ZNG1B: variants seen among roughly 807,000 people sequenced by gnomAD.
The protein encoded by ZNG1B is Zn regulated GTPase metalloprotein activator 1B, also known as zinc-regulated GTPase metalloprotein activator 1B.
chr2:113,438,728 A>C, the ZNG1B span, among the ~76,000 whole-genome samples: 2 of 152,066 alleles, frequency 1.3e-5, no homozygotes, highest in African/African-American at 4.8e-5. Context: ...AAGTTTGAGA[A>C]ATATATTTTT....
At chr2:113,466,599 G>A in the ZNG1B span, 2 of 985,384 alleles carry the variant, frequency 2.0e-6, no homozygotes, top group Non-Finnish European at 2.4e-6. Context: ...TGAGAATCTA[G>A]GGACTTTCTG....
the ZNG1B span, chr2:113,455,568 T>G: frequency 1.6e-6 from 2 of 1,286,326 alleles, no homozygotes; most frequent in South Asian, 2.5e-5. Flanking sequence ...GAAATACCAC[T>G]AAAGGCAGAA....
chr2:113,477,036 T>G, the ZNG1B span, among the ~76,000 whole-genome samples: 1 of 152,246 alleles, frequency 6.6e-6, no homozygotes, highest in East Asian at 1.9e-4. Flanking sequence ...TGAGCTGTGG[T>G]GGGCTCCACC....
At chr2:113,478,005 A>G in the ZNG1B span, among the ~76,000 whole-genome samples, 5 of 152,104 alleles carry the variant, frequency 3.3e-5, no homozygotes, top group Non-Finnish European at 7.3e-5. Context: ...TTCCTTTTTA[A>G]GTCTGAATAA....
At chr2:113,441,189 G>T in the ZNG1B span, among the ~76,000 whole-genome samples, 1 of 152,058 alleles carries the variant, frequency 6.6e-6, no homozygotes, top group Non-Finnish European at 1.5e-5. Flanking sequence ...TTTGCAACAG[G>T]TTTCAAAGGA....
At chr2:113,473,171 G>T in the ZNG1B span, among the ~76,000 whole-genome samples, 1 of 151,464 alleles carries the variant, frequency 6.6e-6, no homozygotes, top group Non-Finnish European at 1.5e-5. Context: ...TTGAGCAGTG[G>T]TTTGTAGTTC....
At chr2:113,460,869 A>G in the ZNG1B span, 9 of 1,225,632 alleles carry the variant, frequency 7.3e-6, no homozygotes, top group African/African-American at 1.6e-5. Context: ...ATTGCTATCT[A>G]TTTATAATGA....
chr2:113,455,579 G>A, the ZNG1B span: 1 of 1,286,694 alleles, frequency 7.8e-7, no homozygotes, highest in South Asian at 1.2e-5. Context: ...AAAGGCAGAA[G>A]AGAATGAAAT....
the ZNG1B span, among the ~76,000 whole-genome samples, chr2:113,487,592 A>G: frequency 1.3e-5 from 2 of 151,246 alleles, no homozygotes; most frequent in Non-Finnish European, 2.9e-5. Context: ...GATGAGTTTT[A>G]CTGTTTTAGA....
the ZNG1B span, among the ~76,000 whole-genome samples, chr2:113,446,485 G>A: frequency 1.3e-5 from 2 of 152,178 alleles, no homozygotes; most frequent in Admixed American, 6.5e-5. Flanking sequence ...GGTGGCTCAT[G>A]CCTGTAATCC....
the ZNG1B span, chr2:113,437,714 A>G: frequency 8.6e-6 from 13 of 1,518,690 alleles, no homozygotes; most frequent in East Asian, 2.5e-4. Flanking sequence ...CTTCTCGTCC[A>G]GAGCCCAGGT....
At chr2:113,472,684 G>A in the ZNG1B span, among the ~76,000 whole-genome samples, 32,544 of 150,662 alleles carry the variant, frequency 0.22, 3,947 homozygotes, top group East Asian at 0.52. Flanking sequence ...GAAGGGATCC[G>A]GTTTCAGCTT....
the ZNG1B span, among the ~76,000 whole-genome samples, chr2:113,478,453 T>A: frequency 9.4e-4 from 143 of 151,744 alleles, no homozygotes; most frequent in African/African-American, 3.3e-3. Context: ...TTTTTTTTTT[T>A]AATTTTCTGT....
the ZNG1B span, chr2:113,470,987 A>T: frequency 6.3e-7 from 1 of 1,580,864 alleles, no homozygotes; most frequent in Non-Finnish European, 8.5e-7. Flanking sequence ...AATTGGATGT[A>T]TTTCACAGAA....
At chr2:113,463,527 T>C in the ZNG1B span, among the ~76,000 whole-genome samples, 1 of 152,222 alleles carries the variant, frequency 6.6e-6, no homozygotes, top group African/African-American at 2.4e-5. Context: ...TTTCATCTTA[T>C]TTTAATAGTA....
chr2:113,448,880 G>C, the ZNG1B span, among the ~76,000 whole-genome samples: 6 of 151,126 alleles, frequency 4.0e-5, no homozygotes, highest in African/African-American at 1.5e-4. Context: ...TCCAGCCTGG[G>C]TGACAGAGCG....
At chr2:113,468,578 TACTC>T in the ZNG1B span, 2 of 147,232 alleles carry the variant, frequency 1.4e-5, no homozygotes, top group African/African-American at 2.7e-5. Context: ...TTCATTCTCT[TACTC>T]AGTTTTAAAA....
At chr2:113,480,125 C>CT in the ZNG1B span, among the ~76,000 whole-genome samples, 1 of 151,414 alleles carries the variant, frequency 6.6e-6, no homozygotes, top group Non-Finnish European at 1.5e-5. Flanking sequence ...TTGGCCTTTT[C>CT]TTTTTTTTAT....
the ZNG1B span, among the ~76,000 whole-genome samples, chr2:113,488,401 C>G: frequency 5.9e-5 from 9 of 152,214 alleles, 1 homozygote; most frequent in African/African-American, 1.9e-4. Context: ...TCTGACAGAG[C>G]CTACCCAAAT....
Sources: gnomAD v4.1 joint callset for allele counts (sites outside exome capture counted in the v4.1 genomes callset) on GRCh38, gnomAD v4.1.1 for gene constraint, MANE v1.5 for transcripts, NCBI Gene and HGNC (gene_info 2026-07-23, HGNC 2026-07-21) for gene names.